Variants in CDKAL1 observed in about 807,000 individuals in gnomAD.
The protein encoded by CDKAL1 is CDKAL1 threonylcarbamoyladenosine tRNA methylthiotransferase, also known as threonylcarbamoyladenosine tRNA methylthiotransferase.
Under a neutral mutation model 68.2 loss-of-function variants are expected in CDKAL1, and 32 were observed. The observed-to-expected ratio is 0.47, with a 90% CI of 0.35 to 0.63. The LOEUF (loss-of-function observed/expected upper bound fraction) is 0.63. Ranked by LOEUF, CDKAL1 falls within the 30% of genes least tolerant of loss-of-function variation. The probability of loss-of-function intolerance (pLI) is 0.00; values close to 1 mark genes in which losing one functional copy is unlikely to be tolerated. For missense variants in CDKAL1, 606 were observed against 696.7 expected (o/e 0.87, Z 1.47); for synonymous variants, 234 against 244.3 (o/e 0.96, Z 0.39).
intron 5 of CDKAL1, among the ~76,000 whole-genome samples, chr6:20,660,122 G>A (rs1349949983): frequency 1.3e-5 from 2 of 152,012 alleles, no homozygotes; most frequent in Non-Finnish European, 2.9e-5. Flanking sequence ...TGGGGTCATC[G>A]CCCTTCTAAG....
At chr6:21,071,642 A>G (rs1040665516) in intron 12 of CDKAL1, among the ~76,000 whole-genome samples, 6 of 151,856 alleles carry the variant, frequency 4.0e-5, no homozygotes, top group Non-Finnish European at 7.4e-5. Context: ...CCATGTACCT[A>G]GTATTTTTTT....
At chr6:21,022,618 G>C (rs1232629097) in intron 11 of CDKAL1, among the ~76,000 whole-genome samples, 4 of 152,116 alleles carry the variant, frequency 2.6e-5, no homozygotes, top group African/African-American at 7.2e-5. Context: ...AGGAGGGAAG[G>C]GGGATGGCCC....
At chr6:20,635,524 AC>A (rs1767866384) in intron 4 of CDKAL1, among the ~76,000 whole-genome samples, 2 of 152,194 alleles carry the variant, frequency 1.3e-5, no homozygotes, top group African/African-American at 4.8e-5. Flanking sequence ...TTTGCATTAT[AC>A]ACTTACTGGT....
At chr6:20,645,885 G>T (rs1461927464) in intron 4 of CDKAL1, among the ~76,000 whole-genome samples, 1 of 151,416 alleles carries the variant, frequency 6.6e-6, no homozygotes, top group Non-Finnish European at 1.5e-5. Context: ...CAAAGGGCAG[G>T]ATCATCAATA....
intron 4 of CDKAL1, among the ~76,000 whole-genome samples, chr6:20,629,917 G>A (rs1015295565): frequency 2.7e-4 from 41 of 152,006 alleles, no homozygotes; most frequent in African/African-American, 8.5e-4. Flanking sequence ...GCAGCGGCAC[G>A]ATCTTGGATC....
At chr6:21,171,403 T>C (rs1011191333) in intron 13 of CDKAL1, among the ~76,000 whole-genome samples, 3 of 151,898 alleles carry the variant, frequency 2.0e-5, no homozygotes, top group Non-Finnish European at 4.4e-5. Context: ...TTAGTAGAGA[T>C]GGGGTTCACC....
chr6:20,796,439 G>A (rs1393150683), intron 8 of CDKAL1, among the ~76,000 whole-genome samples: 1 of 152,162 alleles, frequency 6.6e-6, no homozygotes, highest in Non-Finnish European at 1.5e-5. Flanking sequence ...AAAGTAATTT[G>A]AATACAAATT....
intron 4 of CDKAL1, among the ~76,000 whole-genome samples, chr6:20,556,893 C>T (rs192611315): frequency 6.6e-6 from 1 of 151,798 alleles, no homozygotes; most frequent in Admixed American, 6.6e-5. Flanking sequence ...AAAAAATTAG[C>T]CGGGCATGGT....
intron 11 of CDKAL1, among the ~76,000 whole-genome samples, chr6:21,049,460 A>C (rs1033367369): frequency 2.6e-5 from 4 of 152,212 alleles, no homozygotes; most frequent in African/African-American, 9.6e-5. Flanking sequence ...TTAACCAGCA[A>C]TATCATAAAA....
chr6:21,026,003 T>C (rs780813800), intron 11 of CDKAL1, among the ~76,000 whole-genome samples: 11 of 152,174 alleles, frequency 7.2e-5, no homozygotes, highest in Non-Finnish European at 1.2e-4. Context: ...TAATTTATCA[T>C]TTTTTAGAGG....
In CDKAL1 at chr6:21,014,744, C is replaced by T. The variant is rs1274776399; in HGVS notation, c.1055+14372C>T. Among the ~76,000 whole-genome samples, 9 of 152,204 alleles carry T rather than the reference C, an allele frequency of 5.9e-5. No homozygotes were observed. The East Asian group carries it at 1.3e-3, about 23-fold the overall frequency. On this transcript the variant is annotated intron_variant, in intron 11 of 15. Coordinates refer to ENST00000274695, the MANE Select transcript of CDKAL1 (RefSeq NM_017774.3). ...TCAATACCGAATTTTGCACCTGGCT[C>T]AATATTTGGTTTTTGTTCTCATATG...
At chr6:20,876,773 T>C (rs1004274197) in intron 9 of CDKAL1, among the ~76,000 whole-genome samples, 1 of 152,150 alleles carries the variant, frequency 6.6e-6, no homozygotes, top group Admixed American at 6.5e-5. Context: ...AGTTTTCTTT[T>C]GAGTATTTGC....
chr6:20,655,867 T>C (rs1769003797), intron 5 of CDKAL1, among the ~76,000 whole-genome samples: 1 of 152,202 alleles, frequency 6.6e-6, no homozygotes, highest in Non-Finnish European at 1.5e-5. Context: ...TGACATGTTT[T>C]GGTTTTGAAT....
intron 9 of CDKAL1, among the ~76,000 whole-genome samples, chr6:20,947,673 AG>A (rs1262130124): frequency 6.6e-6 from 1 of 152,228 alleles, no homozygotes; most frequent in African/African-American, 2.4e-5. Context: ...ATCATAGCTT[AG>A]CGTAGCCTAC....
chr6:20,843,981 GA>G (rs375644261), intron 8 of CDKAL1, among the ~76,000 whole-genome samples: 4 of 150,100 alleles, frequency 2.7e-5, no homozygotes, highest in African/African-American at 9.8e-5. Flanking sequence ...GACACTCGAG[GA>G]AAAAAAAACA....
At chr6:21,205,344 T>TA (rs56000997) in intron 15 of CDKAL1, among the ~76,000 whole-genome samples, 107,701 of 152,226 alleles carry the variant, frequency 0.71, 39,305 homozygotes, top group South Asian at 0.83. Context: ...GATTGTATGG[T>TA]CCTCTATTTT....
intron 5 of CDKAL1, among the ~76,000 whole-genome samples, chr6:20,731,111 A>G (rs1042873724): frequency 2.0e-5 from 3 of 152,170 alleles, no homozygotes; most frequent in African/African-American, 7.2e-5. Flanking sequence ...GAATGAGGAA[A>G]GAGTAGGAGA....
chr6:20,680,780 C>A (rs1017551450), intron 5 of CDKAL1, among the ~76,000 whole-genome samples: 1 of 152,152 alleles, frequency 6.6e-6, no homozygotes, highest in Non-Finnish European at 1.5e-5. Flanking sequence ...TCGGGTCATG[C>A]CTTGAGTCTT....
At chr6:21,167,092 A>T (rs1022131327) in intron 13 of CDKAL1, among the ~76,000 whole-genome samples, 17 of 152,322 alleles carry the variant, frequency 1.1e-4, no homozygotes, top group African/African-American at 4.1e-4. Context: ...AAGCAATGTG[A>T]TATCAGAAAA....
Sources: gnomAD v4.1 joint callset for allele counts (sites outside exome capture counted in the v4.1 genomes callset) on GRCh38, gnomAD v4.1.1 for gene constraint, MANE v1.5 for transcripts, NCBI Gene and HGNC (gene_info 2026-07-23, HGNC 2026-07-21) for gene names.